The following STXBP5L variants were observed in gnomAD, a reference collection of about 807,000 sequenced individuals.
The protein encoded by STXBP5L is syntaxin binding protein 5L.
In STXBP5L, 65 loss-of-function variants were observed where a neutral mutation model predicts 144.5. The observed-to-expected ratio is 0.45, with a 90% CI of 0.37 to 0.55. The LOEUF is 0.55. Ranked by LOEUF, STXBP5L falls within the 20% of genes least tolerant of loss-of-function variation. The pLI, the probability that STXBP5L is intolerant of heterozygous loss-of-function variation, is 0.00. For synonymous variants in STXBP5L, 505 were observed against 469.6 expected, an observed-to-expected ratio of 1.08 and a Z score of -0.97; for missense variants, 1,298 against 1,405.5, an observed-to-expected ratio of 0.92 and a Z score of 1.22.
At chr3:121,076,864 C>T (rs2042039399) in intron 5 of STXBP5L, among the ~76,000 whole-genome samples, 1 of 152,174 alleles carries the variant, frequency 6.6e-6, no homozygotes, top group Non-Finnish European at 1.5e-5. Context: ...TTTGGATCCA[C>T]CAGACTGGGT....
intron 3 of STXBP5L, among the ~76,000 whole-genome samples, chr3:120,959,737 C>T (rs922061457): frequency 1.3e-5 from 2 of 152,112 alleles, no homozygotes; most frequent in Non-Finnish European, 2.9e-5. Flanking sequence ...TTCCTTACAC[C>T]TTATACAAAA....
At chr3:121,218,953 TTAGTAGTTACTATTATTATTG>T (rs1225923061) in intron 10 of STXBP5L, among the ~76,000 whole-genome samples, 1 of 152,160 alleles carries the variant, frequency 6.6e-6, no homozygotes, top group Non-Finnish European at 1.5e-5. Context: ...AGTGGGTTTC[TTAGTAGTTACTATTATTATTG>T]ACATCATTAT....
chr3:121,204,274 C>A (rs1469945725), intron 9 of STXBP5L, among the ~76,000 whole-genome samples: 1 of 152,048 alleles, frequency 6.6e-6, no homozygotes, highest in Non-Finnish European at 1.5e-5. Context: ...AGTTCCTGAG[C>A]AAAAGTTTTC....
intron 10 of STXBP5L, among the ~76,000 whole-genome samples, chr3:121,211,639 C>T (rs1361249250): frequency 7.7e-6 from 1 of 129,306 alleles, no homozygotes. Flanking sequence ...AGTGCAGTGG[C>T]GTGATCTCAG....
chr3:120,924,765 A>G (rs1576425943), intron 2 of STXBP5L: 1 of 152,064 alleles, frequency 6.6e-6, no homozygotes, highest in African/African-American at 2.4e-5. Context: ...GGTGGAGTGC[A>G]GTGGCGCGAT....
intron 18 of STXBP5L, among the ~76,000 whole-genome samples, chr3:121,265,905 A>G (rs2050547933): frequency 6.6e-6 from 1 of 152,186 alleles, no homozygotes; most frequent in Non-Finnish European, 1.5e-5. Flanking sequence ...CTGGACTCAT[A>G]TACCCTCGCA....
intron 18 of STXBP5L, among the ~76,000 whole-genome samples, chr3:121,271,801 G>T (rs1453504324): frequency 6.6e-6 from 1 of 152,142 alleles, no homozygotes; most frequent in East Asian, 1.9e-4. Context: ...GGTAATTTAT[G>T]AAGAAAAGAG....
chr3:121,058,669 T>A (rs1445687632), intron 5 of STXBP5L, among the ~76,000 whole-genome samples: 1 of 152,248 alleles, frequency 6.6e-6, no homozygotes, highest in Non-Finnish European at 1.5e-5. Context: ...ATAGCCATTC[T>A]AACTGGCGTG....
At chr3:121,092,940 T>C (rs943160741) in intron 5 of STXBP5L, among the ~76,000 whole-genome samples, 7 of 152,176 alleles carry the variant, frequency 4.6e-5, no homozygotes, top group African/African-American at 7.2e-5. Flanking sequence ...TTTTGAGATA[T>C]GTCCCATCAA....
At chr3:121,351,043 T>C (rs1166240683) in intron 20 of STXBP5L, among the ~76,000 whole-genome samples, 1 of 149,526 alleles carries the variant, frequency 6.7e-6, no homozygotes, top group East Asian at 2.2e-4. Context: ...CTCTGGTTTT[T>C]AGAATTTCCA....
At chr3:121,288,115 T>C (rs1340044262) in intron 19 of STXBP5L, among the ~76,000 whole-genome samples, 3 of 152,214 alleles carry the variant, frequency 2.0e-5, no homozygotes, top group Admixed American at 1.3e-4. Context: ...TTGCATTAGT[T>C]AGCTTAGAAT....
At position 121,049,606 on chromosome 3, in the gene STXBP5L, C is replaced by G. The variant is rs1015872848; in HGVS notation, c.470+4071C>G. The stretch of plus-strand genomic sequence containing the variant: ...CAGAGCTGCTCCTGATCCGAGAATT[C>G]TGGTAGGGCTGTGGTGGTCTCACTA... On this transcript the variant is annotated intron_variant, in intron 5 of 26. Coordinates refer to ENST00000471454, the MANE Select transcript of STXBP5L (RefSeq NM_001308330.2). 4 of 154,388 alleles carry G rather than the reference C, an allele frequency of 2.6e-5. No homozygotes were observed. In the Admixed American group the frequency reaches 2.6e-4, roughly 10 times the overall value. The allele number at this position is 154,388 out of a possible 1,614,324, so 9.6% of individuals were successfully genotyped here. A position where few individuals can be genotyped will look rare whatever the true frequency, so the allele number is the denominator to read the frequency against.
At chr3:121,111,801 G>A (rs901906774) in intron 5 of STXBP5L, among the ~76,000 whole-genome samples, 1 of 152,218 alleles carries the variant, frequency 6.6e-6, no homozygotes, top group African/African-American at 2.4e-5. Context: ...GCACTTCCCA[G>A]GTTCTGCAGA....
chr3:121,021,254 C>A (rs60950175), intron 3 of STXBP5L, among the ~76,000 whole-genome samples: 2 of 151,952 alleles, frequency 1.3e-5, no homozygotes, highest in Non-Finnish European at 2.9e-5. Context: ...ACTGGAGCTC[C>A]CAAATTTATA....
At chr3:120,939,075 T>C (rs1429462736) in intron 2 of STXBP5L, among the ~76,000 whole-genome samples, 1 of 152,174 alleles carries the variant, frequency 6.6e-6, no homozygotes, top group East Asian at 1.9e-4. Flanking sequence ...GTGTCAGGAC[T>C]CCTGGCCTTG....
At chr3:120,967,902 G>T (rs543390491) in intron 3 of STXBP5L, among the ~76,000 whole-genome samples, 2 of 152,046 alleles carry the variant, frequency 1.3e-5, no homozygotes, top group Non-Finnish European at 2.9e-5. Flanking sequence ...TTATGATTTT[G>T]TACAGTTTCT....
chr3:121,271,162 A>G (rs1486391796), intron 18 of STXBP5L, among the ~76,000 whole-genome samples: 1 of 152,204 alleles, frequency 6.6e-6, no homozygotes, highest in Non-Finnish European at 1.5e-5. Context: ...CTATTAAGAG[A>G]CCATAACTCC....
intron 3 of STXBP5L, among the ~76,000 whole-genome samples, chr3:121,004,390 C>G (rs1366939198): frequency 1.3e-5 from 2 of 151,524 alleles, no homozygotes; most frequent in African/African-American, 4.8e-5. Context: ...TGATTTTTGC[C>G]CATTGATTTT....
intron 19 of STXBP5L, among the ~76,000 whole-genome samples, chr3:121,307,566 G>C (rs550293445): frequency 2.0e-5 from 3 of 152,106 alleles, no homozygotes; most frequent in African/African-American, 7.2e-5. Context: ...CAGTAGATTT[G>C]AACTAGCAAA....
Sources: allele counts gnomAD v4.1 joint callset (sites outside exome capture counted in the v4.1 genomes callset), GRCh38; gene constraint gnomAD v4.1.1; transcripts MANE v1.5; gene names NCBI Gene and HGNC (gene_info 2026-07-23, HGNC 2026-07-21).